NOVA2: variants seen among roughly 807,000 people sequenced by gnomAD.
The protein encoded by NOVA2 is RNA-binding protein Nova-2.
In NOVA2, 9 loss-of-function variants were observed where a neutral mutation model predicts 22.5. The ratio of observed to expected loss-of-function variants is 0.40; its 90% CI spans 0.24 to 0.70. The LOEUF (loss-of-function observed/expected upper bound fraction) is 0.70, where lower values mean the gene tolerates loss of function less well. Among genes scored for constraint, NOVA2 ranks in the 30% least tolerant of loss-of-function variants. The probability of loss-of-function intolerance (pLI) is 0.38; values close to 1 mark genes in which losing one functional copy is unlikely to be tolerated. For synonymous variants in NOVA2, 318 were observed against 335.2 expected (o/e 0.95, Z 0.56); for missense variants, 383 against 682.8 (o/e 0.56, Z 4.89).
At chr19:45,954,649 C>A (rs976110263) in intron 2 of NOVA2, among the ~76,000 whole-genome samples, 1 of 151,750 alleles carries the variant, frequency 6.6e-6, no homozygotes, top group Admixed American at 6.6e-5. Context: ...GAGTGAGGAC[C>A]AAGGAACTGG....
In NOVA2 at chr19:45,939,182, G is replaced by GC. The variant is rs951959655; in HGVS notation, c.*680dup. On this transcript the variant is annotated 3_prime_UTR_variant, in exon 4 of 4. Coordinates refer to ENST00000263257, the MANE Select transcript of NOVA2 (RefSeq NM_002516.4). ...CATCCTTCCCAGCAGCACTGTCCCTGCCCCCCCATACAACCTGACAACAAA... is the reference window on the plus strand; with the variant it reads ...CATCCTTCCCAGCAGCACTGTCCCTGCCCCCCCCATACAACCTGACAACAAA... The GC allele has an allele frequency of 4.6e-5, 7 of 152,426 alleles. No homozygotes were observed. Among genetic ancestry groups the GC allele is most frequent in the East Asian group, 1.9e-4 (1 of 5,188 alleles). The allele number at this position is 152,426 out of a possible 1,614,324, so 9.4% of individuals were successfully genotyped here. A position where few individuals can be genotyped will look rare whatever the true frequency, so the allele number is the denominator to read the frequency against.
intron 1 of NOVA2, among the ~76,000 whole-genome samples, chr19:45,966,318 G>A (rs1430354724): frequency 2.0e-5 from 3 of 151,994 alleles, no homozygotes. Context: ...AATCCTTCCT[G>A]AGCACCCATG....
chr19:45,959,695 GGAGAGAGA>G (rs146063602), intron 2 of NOVA2, among the ~76,000 whole-genome samples: 1 of 149,040 alleles, frequency 6.7e-6, no homozygotes, highest in Non-Finnish European at 1.5e-5. Flanking sequence ...GGTGGATGGT[GGAGAGAGA>G]GAGAGAGAGA....
intron 3 of NOVA2, among the ~76,000 whole-genome samples, chr19:45,941,519 A>G (rs1967758410): frequency 6.6e-6 from 1 of 151,324 alleles, no homozygotes; most frequent in Non-Finnish European, 1.5e-5. Flanking sequence ...GTCATTCCCT[A>G]CCCCTCCTCT....
chr19:45,939,645 A>C lies in NOVA2; in HGVS notation c.*218T>G. On this transcript the variant is annotated 3_prime_UTR_variant, in exon 4 of 4. Coordinates refer to ENST00000263257, the MANE Select transcript of NOVA2 (RefSeq NM_002516.4). ...CACAGGGAGGGAGGAAGGAGGGGTC[A>C]GTTCCGGGCTGGGGAGGGGGCTTCT... 1.7e-6 allele frequency: 1 copy of C among 591,606 alleles called. No individual in the cohort carries two copies. 36.6% of individuals were successfully genotyped at this position (591,606 alleles called of 1,614,324 possible). A position where few individuals can be genotyped will look rare whatever the true frequency, so the allele number is the denominator to read the frequency against.
At chr19:45,949,989 C>T (rs1264170653) in intron 3 of NOVA2, among the ~76,000 whole-genome samples, 3 of 151,888 alleles carry the variant, frequency 2.0e-5, no homozygotes, top group Non-Finnish European at 4.4e-5. Flanking sequence ...AATCCGCCCA[C>T]CTCGGCTTCC....
rs1424191207 is a variant in NOVA2 at position 45,936,022 on chromosome 19, C to A, written c.*3841G>T. 1.3e-5 allele frequency: 2 copies of A among 152,242 alleles called. No homozygotes were observed. Among genetic ancestry groups the A allele is most frequent in the Non-Finnish European group, 2.9e-5 (2 of 68,074 alleles). The allele number at this position is 152,242 out of a possible 1,614,324, so 9.4% of individuals were successfully genotyped here. A position where few individuals can be genotyped will look rare whatever the true frequency, so the allele number is the denominator to read the frequency against. On this transcript the variant is annotated 3_prime_UTR_variant, in exon 4 of 4. Coordinates refer to ENST00000263257, the MANE Select transcript of NOVA2 (RefSeq NM_002516.4). The stretch of plus-strand genomic sequence containing the variant: ...AAATCATTGTCTTCTGATCACCACC[C>A]CTACTAATTATTGCAGTGAAGCCTC...
rs33945455 is a variant in NOVA2 at position 45,958,110 on chromosome 19, CAA to C, written c.229+2898_229+2899del. On this transcript the variant is annotated intron_variant, in intron 2 of 3. Transcript: ENST00000263257. ...CTGGTGACAGAGCAAGACTCCGTCT[CAA>C]AAAAAAAAAAAAAAAAAAATAGAAT... Among the ~76,000 whole-genome samples, 488 of 87,612 alleles carry C rather than the reference CAA, an allele frequency of 5.6e-3. 2 individuals are homozygous for C. The highest frequency in any genetic ancestry group is 0.013 in the African/African-American group (269 of 20,566). 57.5% of individuals were successfully genotyped at this position (87,612 alleles called of 152,430 possible). A position where few individuals can be genotyped will look rare whatever the true frequency, so the allele number is the denominator to read the frequency against.
At chr19:45,941,014 G>T in intron 3 of NOVA2, 69 bp from the exon 4 acceptor site, 2 of 1,423,190 alleles carry the variant, frequency 1.4e-6, no homozygotes, top group Non-Finnish European at 1.9e-6. Context: ...ATTAGGCTGG[G>T]CACGGTGGCT....
chr19:45,957,469 G>A (rs1968021718), intron 2 of NOVA2, among the ~76,000 whole-genome samples: 1 of 150,352 alleles, frequency 6.7e-6, no homozygotes, highest in African/African-American at 2.5e-5. Context: ...AACCTGGGAG[G>A]CGGAGGTTGC....
At chr19:45,969,307 C>A (rs960875640) in intron 1 of NOVA2, among the ~76,000 whole-genome samples, 2 of 151,846 alleles carry the variant, frequency 1.3e-5, no homozygotes, top group Admixed American at 1.3e-4. Flanking sequence ...GAATTTGAGA[C>A]CAGCCTGGGC....
In NOVA2 at chr19:45,936,021, C is replaced by G. The variant is rs1371363579; in HGVS notation, c.*3842G>C. 6.6e-6 allele frequency: 1 copy of G among 152,264 alleles called. No individual in the cohort carries two copies. The highest frequency in any genetic ancestry group is 2.4e-5 in the African/African-American group (1 of 41,438). The allele number at this position is 152,264 out of a possible 1,614,324, so 9.4% of individuals were successfully genotyped here. A position where few individuals can be genotyped will look rare whatever the true frequency, so the allele number is the denominator to read the frequency against. On this transcript the variant is annotated 3_prime_UTR_variant, in exon 4 of 4. Transcript: ENST00000263257. ...AAAATCATTGTCTTCTGATCACCAC[C>G]CCTACTAATTATTGCAGTGAAGCCT...
At chr19:45,953,123 G>A (rs891454877) in intron 3 of NOVA2, among the ~76,000 whole-genome samples, 1 of 152,186 alleles carries the variant, frequency 6.6e-6, no homozygotes, top group African/African-American at 2.4e-5. Context: ...CAGCTTTGAG[G>A]GGAGCCCACC....
intron 1 of NOVA2, 144 bp from the exon 2 acceptor site, chr19:45,961,297 CA>C: frequency 1.6e-6 from 1 of 606,706 alleles, no homozygotes; most frequent in African/African-American, 1.9e-5. Flanking sequence ...ATTCATTCAA[CA>C]AATAGTTATT....
intron 3 of NOVA2, 149 bp downstream of exon 3, chr19:45,953,628 AAAT>A (rs1187582669): frequency 4.3e-6 from 4 of 934,074 alleles, no homozygotes; most frequent in Admixed American, 2.2e-5. Flanking sequence ...GACTCCCTAA[AAAT>A]AATACTAACC....
At chr19:45,968,795 G>A (rs1421576593) in intron 1 of NOVA2, among the ~76,000 whole-genome samples, 2 of 151,978 alleles carry the variant, frequency 1.3e-5, no homozygotes, top group African/African-American at 4.8e-5. Context: ...AGCACATGAC[G>A]GTGGCAAGAT....
chr19:45,943,886 G>A (rs547262874), intron 3 of NOVA2, among the ~76,000 whole-genome samples: 2 of 152,242 alleles, frequency 1.3e-5, no homozygotes, highest in Admixed American at 6.5e-5. Context: ...GGTTTTAAGA[G>A]CTACTGAAAT....
At chr19:45,968,678 C>A (rs1473659500) in intron 1 of NOVA2, among the ~76,000 whole-genome samples, 3 of 152,096 alleles carry the variant, frequency 2.0e-5, no homozygotes, top group African/African-American at 7.2e-5. Flanking sequence ...TATGCAATCT[C>A]ATCTAATGCA....
chr19:45,964,585 T>TCTC (rs1398689110), intron 1 of NOVA2, among the ~76,000 whole-genome samples: 7 of 17,476 alleles, frequency 4.0e-4, no homozygotes, highest in South Asian at 3.0e-3. Context: ...CTCTCTCTCT[T>TCTC]TCTCTTTCTC....
Sources: gnomAD v4.1 joint callset for allele counts (sites outside exome capture counted in the v4.1 genomes callset) on GRCh38, gnomAD v4.1.1 for gene constraint, MANE v1.5 for transcripts, NCBI Gene and HGNC (gene_info 2026-07-23, HGNC 2026-07-21) for gene names.